TGFBR2: variants seen among roughly 807,000 people sequenced by gnomAD.
The protein encoded by TGFBR2 is transforming growth factor beta receptor 2.
Under a neutral mutation model 49.0 loss-of-function variants are expected in TGFBR2, and 18 were observed. The observed-to-expected ratio is 0.37, with a 90% CI of 0.25 to 0.54. The LOEUF is 0.54. Among genes scored for constraint, TGFBR2 ranks in the 20% least tolerant of loss-of-function variants. The pLI is 0.85. For missense variants in TGFBR2, 525 were observed against 722.6 expected (o/e 0.73, Z 3.13); for synonymous variants, 282 against 275.9 (o/e 1.02, Z -0.22).
intron 1 of TGFBR2, among the ~76,000 whole-genome samples, chr3:30,610,610 A>G (rs938890449): frequency 1.4e-4 from 21 of 152,268 alleles, no homozygotes; most frequent in African/African-American, 4.3e-4. Context: ...CTTGCCATGT[A>G]CTGGCTGTGT....
At chr3:30,623,245 TAATA>T (rs1351483330) in intron 1 of TGFBR2, 1 of 1,613,530 alleles carries the variant, frequency 6.2e-7, no homozygotes, top group African/African-American at 1.3e-5. Flanking sequence ...GCCCCAGCTG[TAATA>T]GGACTGCCCA....
intron 1 of TGFBR2, among the ~76,000 whole-genome samples, chr3:30,607,849 A>AT (rs1345153502): frequency 1.1e-4 from 13 of 120,734 alleles, no homozygotes; most frequent in African/African-American, 5.2e-4. Flanking sequence ...TTATATATAT[A>AT]AATATATATA....
intron 2 of TGFBR2, among the ~76,000 whole-genome samples, chr3:30,646,319 C>T (rs1369673871): frequency 6.6e-6 from 1 of 152,190 alleles, no homozygotes; most frequent in African/African-American, 2.4e-5. Context: ...TCCATGTCCA[C>T]TTCTAGGTAA....
chr3:30,632,847 G>C (rs17025815), intron 1 of TGFBR2, among the ~76,000 whole-genome samples: 1 of 152,196 alleles, frequency 6.6e-6, no homozygotes, highest in Non-Finnish European at 1.5e-5. Context: ...GCTAATACAT[G>C]TAAGAGCCTG....
At chr3:30,627,429 G>C (rs1323331862) in intron 1 of TGFBR2, among the ~76,000 whole-genome samples, 3 of 151,914 alleles carry the variant, frequency 2.0e-5, no homozygotes, top group African/African-American at 7.2e-5. Context: ...ACTTGAAACT[G>C]GGGAGATGAG....
chr3:30,674,363 T>C lies in TGFBR2; in HGVS notation c.1396+117T>C, dbSNP rs1197663419. On this transcript the variant is annotated intron_variant, in intron 5 of 6. Coordinates refer to ENST00000295754, the MANE Select transcript of TGFBR2 (RefSeq NM_003242.6). ...GCAGTTATTAGAGCTAGTTGAGATC[T>C]GATATTATACAACCATCCCAGAACT... 4 of 1,361,148 alleles carry C rather than the reference T, an allele frequency of 2.9e-6. No individual in the cohort carries two copies. In the African/African-American group the frequency reaches 5.7e-5, roughly 19 times the overall value. 84.3% of individuals were successfully genotyped at this position (1,361,148 alleles called of 1,614,324 possible).
intron 1 of TGFBR2, among the ~76,000 whole-genome samples, chr3:30,639,503 A>G (rs572245768): frequency 1.3e-5 from 2 of 152,322 alleles, no homozygotes; most frequent in East Asian, 3.9e-4. Context: ...TGCCCTATAA[A>G]TTTCAGACTT....
At chr3:30,682,356 T>C (rs1699554993) in intron 5 of TGFBR2, among the ~76,000 whole-genome samples, 1 of 152,268 alleles carries the variant, frequency 6.6e-6, no homozygotes, top group East Asian at 1.9e-4. Flanking sequence ...TATTGTTAGC[T>C]CTTCCACTTT....
chr3:30,629,406 A>G (rs1428615778), intron 1 of TGFBR2, among the ~76,000 whole-genome samples: 1 of 152,134 alleles, frequency 6.6e-6, no homozygotes, highest in Non-Finnish European at 1.5e-5. Context: ...GGGAAAGAAG[A>G]ACTCTCTTTG....
chr3:30,618,384 C>T (rs111757892), intron 1 of TGFBR2, among the ~76,000 whole-genome samples: 61 of 152,186 alleles, frequency 4.0e-4, no homozygotes, highest in Middle Eastern at 3.4e-3. Context: ...TGTGCACCAA[C>T]ACACTTGACT....
intron 1 of TGFBR2, among the ~76,000 whole-genome samples, chr3:30,613,623 C>T (rs949584731): frequency 2.6e-5 from 4 of 152,006 alleles, no homozygotes; most frequent in Non-Finnish European, 5.9e-5. Context: ...TAGGATGGAG[C>T]AGGCAGGGGG....
intron 1 of TGFBR2, among the ~76,000 whole-genome samples, chr3:30,630,111 T>G (rs1698409034): frequency 6.6e-6 from 1 of 152,198 alleles, no homozygotes; most frequent in African/African-American, 2.4e-5. Context: ...ACTCCACTGG[T>G]GCTGGTAAAA....
intron 6 of TGFBR2, among the ~76,000 whole-genome samples, chr3:30,690,161 C>T (rs554078622): frequency 1.3e-5 from 2 of 152,344 alleles, no homozygotes; most frequent in South Asian, 4.1e-4. Context: ...CCACTCCCAG[C>T]CACCTGTGTG....
intron 5 of TGFBR2, among the ~76,000 whole-genome samples, chr3:30,687,666 C>T (rs555217570): frequency 6.6e-6 from 1 of 152,294 alleles, no homozygotes; most frequent in South Asian, 2.1e-4. Context: ...CTACAACCAT[C>T]ACCATTATTC....
At chr3:30,631,096 A>G (rs1698429020) in intron 1 of TGFBR2, among the ~76,000 whole-genome samples, 1 of 137,346 alleles carries the variant, frequency 7.3e-6, no homozygotes, top group African/African-American at 2.8e-5. Flanking sequence ...GCTGGAATGT[A>G]GTGGCACAGT....
intron 1 of TGFBR2, among the ~76,000 whole-genome samples, chr3:30,642,686 T>C (rs1215241069): frequency 6.6e-6 from 1 of 152,232 alleles, no homozygotes; most frequent in Non-Finnish European, 1.5e-5. Flanking sequence ...AAAATACGTA[T>C]GTATGAAATA....
At chr3:30,620,865 G>A (rs1357947208) in intron 1 of TGFBR2, among the ~76,000 whole-genome samples, 1 of 152,136 alleles carries the variant, frequency 6.6e-6, no homozygotes, top group Non-Finnish European at 1.5e-5. Context: ...CTACCTGAGG[G>A]TAAATAATCC....
chr3:30,679,956 T>A (rs943137332), intron 5 of TGFBR2, among the ~76,000 whole-genome samples: 2 of 152,194 alleles, frequency 1.3e-5, no homozygotes, highest in Admixed American at 1.3e-4. Flanking sequence ...TGAAATGCCA[T>A]CTCTACTAAA....
At chr3:30,662,406 C>T (rs1249933869) in intron 3 of TGFBR2, among the ~76,000 whole-genome samples, 2 of 152,100 alleles carry the variant, frequency 1.3e-5, no homozygotes, top group Admixed American at 6.5e-5. Flanking sequence ...GGAAATAATA[C>T]AAAGGAGACT....
Sources: gnomAD v4.1 joint callset for allele counts (sites outside exome capture counted in the v4.1 genomes callset) on GRCh38, gnomAD v4.1.1 for gene constraint, MANE v1.5 for transcripts, NCBI Gene and HGNC (gene_info 2026-07-23, HGNC 2026-07-21) for gene names.